The following CAND1 variants were observed in gnomAD, a reference collection of about 807,000 sequenced individuals.
CAND1 encodes the protein cullin associated and neddylation dissociated 1, also known as cullin-associated NEDD8-dissociated protein 1.
A neutral mutation model predicts 108.5 loss-of-function variants in CAND1; 7 were observed. That is an observed-to-expected ratio of 0.06 (90% CI 0.04 to 0.12). The LOEUF (loss-of-function observed/expected upper bound fraction) is 0.12, where lower values mean the gene tolerates loss of function less well. Among genes scored for constraint, CAND1 ranks in the 10% least tolerant of loss-of-function variants. CAND1 has a pLI of 1.00. For missense variants in CAND1, 941 were observed against 1,448.7 expected (o/e 0.65, Z 5.69); for synonymous variants, 534 against 512.0 (o/e 1.04, Z -0.58).
At chr12:67,293,410 C>T (rs1047800119) in intron 3 of CAND1, among the ~76,000 whole-genome samples, 2 of 152,178 alleles carry the variant, frequency 1.3e-5, no homozygotes, top group African/African-American at 4.8e-5. Context: ...GTCTCATCTG[C>T]AAAAGGTGAG....
chr12:67,312,492 T>C (rs563784994), intron 14 of CAND1, 114 bp from the exon 15 acceptor site: 7 of 561,370 alleles, frequency 1.2e-5, no homozygotes, highest in African/African-American at 1.1e-4. Context: ...GAATGTAATA[T>C]GCCTTATGGA....
At position 67,305,174 on chromosome 12, in the gene CAND1, C is replaced by T. The variant is rs200910075; in HGVS notation, c.1506C>T (p.Tyr502=). 4.6e-4 allele frequency: 749 copies of T among 1,613,930 alleles called. 1 individual carries two copies. Among genetic ancestry groups the T allele is most frequent in the Non-Finnish European group, 3.9e-4 (462 of 1,179,816 alleles). ...NLKIDALSCL[Y]VILCNHSPQV... ...AGATCGATGCTTTGTCATGTCTATACGTAATCCTCTGTAACCATTCTCCTC... is the reference window on the plus strand; with the variant it reads ...AGATCGATGCTTTGTCATGTCTATATGTAATCCTCTGTAACCATTCTCCTC... Residue 502 remains tyrosine, a synonymous_variant, in exon 10 of 15, where the codon TAC becomes TAT. Coordinates refer to ENST00000545606, the MANE Select transcript of CAND1 (RefSeq NM_018448.5). This position sits in a 1 kb window ranked among gnomAD's most constrained non-coding sequence, Gnocchi z 4.4.
At chr12:67,294,206 A>AT (rs1187973063) in intron 3 of CAND1, among the ~76,000 whole-genome samples, 3 of 152,064 alleles carry the variant, frequency 2.0e-5, no homozygotes, top group African/African-American at 7.2e-5. Flanking sequence ...TCTTACAAGA[A>AT]TTTTTTTAAC....
intron 6 of CAND1, among the ~76,000 whole-genome samples, chr12:67,298,697 C>G (rs2044792928): frequency 6.6e-6 from 1 of 152,102 alleles, no homozygotes; most frequent in Non-Finnish European, 1.5e-5. Context: ...TCTATACTGC[C>G]ATACATTAAC....
In CAND1 at chr12:67,315,998, A is replaced by C. The variant is rs2045004548; in HGVS notation, c.*3168A>C. 6.6e-6 allele frequency: 1 copy of C among 152,198 alleles called. No individual in the cohort carries two copies. The highest frequency in any genetic ancestry group is 1.5e-5 in the Non-Finnish European group (1 of 68,024). 9.4% of individuals were successfully genotyped at this position (152,198 alleles called of 1,614,324 possible). On this transcript the variant is annotated 3_prime_UTR_variant, in exon 15 of 15. Transcript: ENST00000545606. The stretch of plus-strand genomic sequence containing the variant: ...CCACATTAATTTTACTAAAGACCTA[A>C]ATTGTTAAAATTAATTGCCAATCTC...
rs1384886066 is a variant in CAND1 at position 67,318,778 on chromosome 12, A to G, written c.*5948A>G. On this transcript the variant is annotated 3_prime_UTR_variant, in exon 15 of 15. Coordinates refer to ENST00000545606, the MANE Select transcript of CAND1 (RefSeq NM_018448.5). ...AAGAAGCTTGCTGATTATCATGGGA[A>G]GACTGACATAAGGAAGCACCATAAA... 6.6e-6 allele frequency: 1 copy of G among 152,226 alleles called. No homozygotes were observed. The highest frequency in any genetic ancestry group is 2.4e-5 in the African/African-American group (1 of 41,454). 9.4% of individuals were successfully genotyped at this position (152,226 alleles called of 1,614,324 possible). A position where few individuals can be genotyped will look rare whatever the true frequency, so the allele number is the denominator to read the frequency against.
intron 1 of CAND1, among the ~76,000 whole-genome samples, chr12:67,276,655 A>G (rs548678879): frequency 1.3e-5 from 2 of 152,290 alleles, no homozygotes; most frequent in South Asian, 2.1e-4. Context: ...AATGTTTGGT[A>G]TTTTGTATTG....
At chr12:67,292,938 T>G in intron 3 of CAND1, 162 bp downstream of exon 3, 1 of 606,558 alleles carries the variant, frequency 1.6e-6, no homozygotes. Flanking sequence ...TGAAGCCTTA[T>G]TTTCCTTAGA....
chr12:67,300,212 C>T (rs1223452532), intron 7 of CAND1, among the ~76,000 whole-genome samples: 2 of 152,084 alleles, frequency 1.3e-5, no homozygotes, highest in Admixed American at 6.6e-5. Context: ...CTCCAGTCTT[C>T]GATGCTGTTT....
intron 7 of CAND1, among the ~76,000 whole-genome samples, chr12:67,300,290 T>C (rs544003341): frequency 2.0e-5 from 3 of 152,190 alleles, no homozygotes; most frequent in South Asian, 2.1e-4. Flanking sequence ...TAACCTGTTA[T>C]ACTGTTGATT....
chr12:67,310,236 G>T lies in CAND1; in HGVS notation c.3280G>T (p.Asp1094Tyr). Residue 1094 changes from aspartate (D) to tyrosine (Y), a missense_variant, in exon 13 of 15, where the codon GAC becomes TAC. This residue lies in a region of CAND1 where 14 missense variants were observed against 16.2 expected (regional missense o/e 0.87). Transcript: ENST00000545606. ...AAFECMYTLL[D>Y]SCLDRLDIFE... ...ATTTGAGTGTATGTACACACTTCTA[G>T]ACAGTTGTCTTGATAGACTTGATAT... 6.2e-7 allele frequency: 1 copy of T among 1,612,302 alleles called. No homozygotes were observed. The highest frequency in any genetic ancestry group is 8.5e-7 in the Non-Finnish European group (1 of 1,178,560).
At chr12:67,289,299 A>G (rs977780121) in intron 2 of CAND1, among the ~76,000 whole-genome samples, 2 of 152,058 alleles carry the variant, frequency 1.3e-5, no homozygotes, top group East Asian at 3.9e-4. Context: ...GCTAACCACA[A>G]CCTGCGCCTC....
At chr12:67,280,139 T>C (rs1170997003) in intron 1 of CAND1, among the ~76,000 whole-genome samples, 7 of 152,218 alleles carry the variant, frequency 4.6e-5, no homozygotes, top group Non-Finnish European at 1.0e-4. Flanking sequence ...TAACTGATCT[T>C]GTATTGCCCT....
At chr12:67,284,042 T>A (rs1722048248) in intron 2 of CAND1, among the ~76,000 whole-genome samples, 1 of 152,086 alleles carries the variant, frequency 6.6e-6, no homozygotes, top group African/African-American at 2.4e-5. Flanking sequence ...AGCAGCCATA[T>A]CAAAAAATTG....
At chr12:67,302,679 T>C in intron 8 of CAND1, 64 bp downstream of exon 8, 1 of 1,444,596 alleles carries the variant, frequency 6.9e-7, no homozygotes, top group Non-Finnish European at 9.5e-7. Context: ...AAATTGTCTT[T>C]ATATGGAAAG....
Position 67,297,470 on chromosome 12 carries a change from C to G in CAND1, c.555C>G (p.Thr185=). The part of the protein sequence containing the change: ...SILTCLLPQL[T]SPRLAVRKRT... ...TGACCTGTCTACTTCCCCAGTTGAC[C>G]AGCCCTAGACTTGCAGTGAGGAAAA... Residue 185 remains threonine, a synonymous_variant, in exon 5 of 15, where the codon ACC becomes ACG. Coordinates refer to ENST00000545606, the MANE Select transcript of CAND1 (RefSeq NM_018448.5). 4.3e-6 allele frequency: 7 copies of G among 1,613,882 alleles called. No homozygotes were observed. Among genetic ancestry groups the G allele is most frequent in the Non-Finnish European group, 5.9e-6 (7 of 1,179,862 alleles).
intron 2 of CAND1, among the ~76,000 whole-genome samples, chr12:67,287,846 T>G (rs2044685928): frequency 1.4e-5 from 2 of 144,140 alleles, no homozygotes; most frequent in Non-Finnish European, 3.0e-5. Context: ...ATATTTTTAA[T>G]TTTTGATGTG....
intron 2 of CAND1, among the ~76,000 whole-genome samples, chr12:67,287,543 C>T (rs954079169): frequency 1.3e-4 from 20 of 151,990 alleles, no homozygotes; most frequent in Middle Eastern, 6.8e-3. Context: ...CCTAAACAAT[C>T]GTCATCAGTG....
rs780595208 is a variant in CAND1 at position 67,269,656 on chromosome 12, G to GGCGGCA, written c.-51_-46dup. 2.8e-3 allele frequency: 4,043 copies of GGCGGCA among 1,451,284 alleles called. 30 individuals carry two copies. The highest frequency in any genetic ancestry group is 3.2e-3 in the Non-Finnish European group (3,406 of 1,052,146). 89.9% of individuals were successfully genotyped at this position (1,451,284 alleles called of 1,614,324 possible). ...GAGGAGCTCCAGTGGCGGCGGCGGC[G>GGCGGCA]GCGGCAGCGGCAGCGGGCAGCAGCT... is the stretch of plus-strand genomic sequence containing the variant. On this transcript the variant is annotated 5_prime_UTR_variant, in exon 1 of 15. Coordinates refer to ENST00000545606, the MANE Select transcript of CAND1 (RefSeq NM_018448.5).
Sources: allele counts gnomAD v4.1 joint callset (sites outside exome capture counted in the v4.1 genomes callset), GRCh38; gene constraint gnomAD v4.1.1; regional missense constraint gnomAD v4.1.1; non-coding constraint Gnocchi (gnomAD v3.1); transcripts MANE v1.5; gene names NCBI Gene and HGNC (gene_info 2026-07-23, HGNC 2026-07-21).